LIMCH1: variants seen among roughly 807,000 people sequenced by gnomAD.
LIMCH1 encodes LIM and calponin homology domains-containing protein 1.
Under a neutral mutation model 176.5 loss-of-function variants are expected in LIMCH1, and 113 were observed. That is an observed-to-expected ratio of 0.64 (90% confidence interval 0.55 to 0.75). LIMCH1 has a LOEUF of 0.75. LIMCH1 is among the 30% of genes least tolerant of loss of function. The pLI is 0.00. For missense variants in LIMCH1, 1,674 were observed against 1,814.9 expected, an observed-to-expected ratio of 0.92 and a Z score of 1.41; for synonymous variants, 619 against 645.9, an observed-to-expected ratio of 0.96 and a Z score of 0.63.
chr4:41,696,515 T>C (rs1317800348), intron 31 of LIMCH1, among the ~76,000 whole-genome samples: 1 of 152,224 alleles, frequency 6.6e-6, no homozygotes, highest in East Asian at 1.9e-4. Context: ...GGAATTTTTT[T>C]AAACCAAGTT....
At chr4:41,525,215 T>C (rs1033359298) in intron 3 of LIMCH1, among the ~76,000 whole-genome samples, 2 of 152,164 alleles carry the variant, frequency 1.3e-5, no homozygotes, top group East Asian at 1.9e-4. Context: ...TTGGAAGGAA[T>C]TGGCATATGT....
intron 1 of LIMCH1, among the ~76,000 whole-genome samples, chr4:41,589,534 TG>T (rs550765363): frequency 1.1e-4 from 16 of 152,248 alleles, no homozygotes; most frequent in African/African-American, 3.1e-4. Flanking sequence ...ATCCTCAGTG[TG>T]GTGGTGTGGC....
At chr4:41,376,023 G>A (rs929052011) in intron 1 of LIMCH1, among the ~76,000 whole-genome samples, 1 of 152,156 alleles carries the variant, frequency 6.6e-6, no homozygotes, top group Non-Finnish European at 1.5e-5. Context: ...TGTTTTTTGA[G>A]ATTAGAACAT....
chr4:41,627,599 AT>A (rs2093052357), intron 8 of LIMCH1, among the ~76,000 whole-genome samples: 1 of 152,240 alleles, frequency 6.6e-6, no homozygotes, highest in South Asian at 2.1e-4. Context: ...TGTCATAGAA[AT>A]TGTTTTCAAG....
At chr4:41,588,947 GA>G (rs2152711962) in intron 1 of LIMCH1, among the ~76,000 whole-genome samples, 1 of 152,318 alleles carries the variant, frequency 6.6e-6, no homozygotes, top group African/African-American at 2.4e-5. Flanking sequence ...GTGGAGGCAA[GA>G]GATGGCTGGG....
At chr4:41,419,390 C>A (rs1561307952) in intron 1 of LIMCH1, among the ~76,000 whole-genome samples, 1 of 151,958 alleles carries the variant, frequency 6.6e-6, no homozygotes, top group Non-Finnish European at 1.5e-5. Flanking sequence ...GTTGGCCAGG[C>A]TGGTCTCAAA....
upstream of LIMCH1, chr4:41,538,051 T>A (rs2078147998): frequency 2.3e-6 from 1 of 437,536 alleles, no homozygotes. Flanking sequence ...CTGGCATCTC[T>A]ACTTCTGAAG....
chr4:41,483,108 AATG>A (rs1324187863), intron 1 of LIMCH1, among the ~76,000 whole-genome samples: 1 of 152,018 alleles, frequency 6.6e-6, no homozygotes, highest in Non-Finnish European at 1.5e-5. Context: ...TCACTAGAGA[AATG>A]ATGGATGCTG....
At chr4:41,608,859 C>G (rs2091067366) in intron 4 of LIMCH1, among the ~76,000 whole-genome samples, 1 of 152,142 alleles carries the variant, frequency 6.6e-6, no homozygotes, top group African/African-American at 2.4e-5. Context: ...GGATCTTTCT[C>G]TCATCTCTTA....
rs139838515 is a variant in LIMCH1, at chr4:41,478,977, A to G, written c.97-15559A>G. 2.3e-3 allele frequency among the ~76,000 whole-genome samples: 354 copies of G among 152,210 alleles called. 1 individual carries two copies. Among genetic ancestry groups the G allele is most frequent in the African/African-American group, 8.1e-3 (338 of 41,540 alleles). ...CTACTTTCAGCCCTAGCCCCCAAAC[A>G]TTTTATTGTGAATGTGTTGAAACAT... On this transcript the variant is annotated intron_variant, in intron 1 of 26. Transcript: ENST00000313860.
intron 1 of LIMCH1, among the ~76,000 whole-genome samples, chr4:41,449,948 C>A (rs549509932): frequency 3.3e-5 from 5 of 152,186 alleles, no homozygotes; most frequent in African/African-American, 1.2e-4. Context: ...TCCCCATATG[C>A]CTGCCTGTGT....
At chr4:41,601,490 G>A (rs1584716719) in intron 2 of LIMCH1, among the ~76,000 whole-genome samples, 2 of 152,170 alleles carry the variant, frequency 1.3e-5, no homozygotes, top group Admixed American at 1.3e-4. Context: ...ACAAAGTCAG[G>A]GGAAGAGGAA....
intron 18 of LIMCH1, among the ~76,000 whole-genome samples, chr4:41,656,379 T>G (rs776962276): frequency 6.6e-6 from 1 of 152,152 alleles, no homozygotes; most frequent in Non-Finnish European, 1.5e-5. Context: ...AGTTGTAAGA[T>G]TGCTAGATTT....
intron 17 of LIMCH1, among the ~76,000 whole-genome samples, chr4:41,649,545 T>C (rs1453938043): frequency 1.3e-5 from 2 of 152,236 alleles, no homozygotes; most frequent in Admixed American, 1.3e-4. Flanking sequence ...GAAGATACTG[T>C]TACTTTAAAT....
At chr4:41,407,316 C>T (rs2059064274) in intron 1 of LIMCH1, among the ~76,000 whole-genome samples, 1 of 152,158 alleles carries the variant, frequency 6.6e-6, no homozygotes, top group African/African-American at 2.4e-5. Context: ...GCATCTTCGA[C>T]CTGCTGGGCT....
chr4:41,615,265 T>C (rs766811471), intron 5 of LIMCH1, among the ~76,000 whole-genome samples: 12 of 152,232 alleles, frequency 7.9e-5, no homozygotes, highest in Non-Finnish European at 1.3e-4. Context: ...TTTTCTTAAC[T>C]GGTAATGTAG....
chr4:41,369,380 G>T (rs2053601651), intron 1 of LIMCH1, among the ~76,000 whole-genome samples: 1 of 152,104 alleles, frequency 6.6e-6, no homozygotes, highest in Non-Finnish European at 1.5e-5. Context: ...CTGTATATAG[G>T]AGAGACTCTG....
At chr4:41,665,828 T>C (rs7676753) in intron 20 of LIMCH1, among the ~76,000 whole-genome samples, 1,602 of 152,290 alleles carry the variant, frequency 0.011, 25 homozygotes, top group African/African-American at 0.036. Flanking sequence ...GTGTTTCTAC[T>C]AAAGGTCATT....
chr4:41,567,599 C>A (rs2082945082), intron 1 of LIMCH1, among the ~76,000 whole-genome samples: 1 of 152,084 alleles, frequency 6.6e-6, no homozygotes, highest in African/African-American at 2.4e-5. Context: ...CCTTTATTCC[C>A]TAGGAAAACC....
Sources: gnomAD v4.1 joint callset for allele counts (sites outside exome capture counted in the v4.1 genomes callset) on GRCh38, gnomAD v4.1.1 for gene constraint, MANE v1.5 for transcripts, NCBI Gene and HGNC (gene_info 2026-07-23, HGNC 2026-07-21) for gene names.